Variants in MEF2A observed in about 807,000 individuals in gnomAD.
The protein encoded by MEF2A is myocyte-specific enhancer factor 2A.
In MEF2A, 28 loss-of-function variants were observed where a neutral mutation model predicts 55.8. The ratio of observed to expected loss-of-function variants is 0.50; its 90% confidence interval spans 0.37 to 0.69. The LOEUF is 0.69. Ranked by LOEUF, MEF2A falls within the 30% of genes least tolerant of loss-of-function variation. The pLI is 0.00. For missense variants in MEF2A, 528 were observed against 626.2 expected (o/e 0.84, Z 1.67); for synonymous variants, 239 against 227.1 (o/e 1.05, Z -0.47).
chr15:99,662,916 T>C (rs972052004), intron 4 of MEF2A, among the ~76,000 whole-genome samples: 8 of 152,260 alleles, frequency 5.3e-5, no homozygotes, highest in African/African-American at 1.2e-4. Context: ...TCAAATTTTT[T>C]GTGGGTTTAT....
chr15:99,671,215 C>A, intron 4 of MEF2A, 108 bp from the exon 5 acceptor site: 3 of 1,201,018 alleles, frequency 2.5e-6, no homozygotes, highest in Non-Finnish European at 3.5e-6. Flanking sequence ...GTTTCAGTGG[C>A]TCTTGTATAA....
At chr15:99,647,935 T>C (rs2046241411) in intron 4 of MEF2A, among the ~76,000 whole-genome samples, 1 of 152,168 alleles carries the variant, frequency 6.6e-6, no homozygotes, top group African/African-American at 2.4e-5. Context: ...GTTGTTAAGC[T>C]TGTGAGATAG....
intron 4 of MEF2A, among the ~76,000 whole-genome samples, chr15:99,662,087 A>G (rs1054571738): frequency 4.6e-5 from 7 of 152,200 alleles, no homozygotes; most frequent in Admixed American, 4.6e-4. Flanking sequence ...AGGGATATGT[A>G]TATATGTGGT....
intron 2 of MEF2A, among the ~76,000 whole-genome samples, chr15:99,627,086 G>A (rs75975556): frequency 1.1e-3 from 166 of 152,198 alleles, no homozygotes; most frequent in African/African-American, 3.9e-3. Flanking sequence ...CTGGTCTTCA[G>A]GGGTCAGATT....
At chr15:99,696,585 C>A (rs1025090645) in intron 8 of MEF2A, among the ~76,000 whole-genome samples, 1 of 151,726 alleles carries the variant, frequency 6.6e-6, no homozygotes, top group African/African-American at 2.4e-5. Context: ...AATTTTGAGG[C>A]CCAACTAGAG....
At chr15:99,617,616 T>G (rs567519855) in intron 2 of MEF2A, among the ~76,000 whole-genome samples, 1 of 152,294 alleles carries the variant, frequency 6.6e-6, no homozygotes, top group East Asian at 1.9e-4. Context: ...CAGGAAAGAT[T>G]TTACCATCTC....
At chr15:99,682,815 G>A (rs560238195) in intron 7 of MEF2A, among the ~76,000 whole-genome samples, 10 of 152,204 alleles carry the variant, frequency 6.6e-5, no homozygotes, top group African/African-American at 2.4e-4. Context: ...GATGATGTGT[G>A]GCTCTGAATT....
At chr15:99,676,639 C>T (rs1278803260) in intron 7 of MEF2A, among the ~76,000 whole-genome samples, 1 of 151,314 alleles carries the variant, frequency 6.6e-6, no homozygotes, top group African/African-American at 2.4e-5. Flanking sequence ...GTGGCGCCAT[C>T]TCCGCTCACT....
intron 1 of MEF2A, among the ~76,000 whole-genome samples, chr15:99,586,253 C>T (rs1448186587): frequency 2.0e-5 from 3 of 152,088 alleles, no homozygotes; most frequent in African/African-American, 7.2e-5. Flanking sequence ...AGAAACTGTG[C>T]AACTGTTTTC....
At chr15:99,622,166 T>C (rs577149515) in intron 2 of MEF2A, among the ~76,000 whole-genome samples, 1 of 152,212 alleles carries the variant, frequency 6.6e-6, no homozygotes, top group East Asian at 1.9e-4. Context: ...GGAATGTTTT[T>C]AAAAATCTGG....
At chr15:99,587,040 A>G (rs1320930289) in intron 1 of MEF2A, among the ~76,000 whole-genome samples, 3 of 152,052 alleles carry the variant, frequency 2.0e-5, no homozygotes. Flanking sequence ...AAAATCAGGT[A>G]GTGTAAATCC....
At chr15:99,602,898 G>A (rs918197565) in intron 2 of MEF2A, among the ~76,000 whole-genome samples, 1 of 151,428 alleles carries the variant, frequency 6.6e-6, no homozygotes, top group South Asian at 2.1e-4. Context: ...GGGCTATTTG[G>A]ATTTATGTTA....
intron 1 of MEF2A, among the ~76,000 whole-genome samples, chr15:99,584,802 C>G (rs1596291190): frequency 6.6e-6 from 1 of 152,094 alleles, no homozygotes; most frequent in Admixed American, 6.6e-5. Context: ...CTGAGGGTAT[C>G]AAAACATTCA....
chr15:99,621,339 T>G (rs2041142252), intron 2 of MEF2A, among the ~76,000 whole-genome samples: 1 of 152,224 alleles, frequency 6.6e-6, no homozygotes, highest in African/African-American at 2.4e-5. Context: ...TTGATTGTGT[T>G]GGGATGAACA....
Position 99,690,225 on chromosome 15 carries a change from A to G in MEF2A, c.671-16A>G, listed in dbSNP as rs2055103348. Reference sequence around the variant, plus strand: ...ATAACTCTTCTCACTTTATTGAATGATATTTTTCCCCCCAGGGAATGGATT... The same window carrying G: ...ATAACTCTTCTCACTTTATTGAATGGTATTTTTCCCCCCAGGGAATGGATT... On this transcript the variant is annotated splice_polypyrimidine_tract_variant and intron_variant, in intron 7 of 11. Coordinates refer to ENST00000557942, the MANE Select transcript of MEF2A (RefSeq NM_001319206.4). The G allele has an allele frequency of 6.2e-7, 1 of 1,610,192 alleles. No homozygotes were observed. Among genetic ancestry groups the G allele is most frequent in the Non-Finnish European group, 8.5e-7 (1 of 1,177,830 alleles).
intron 4 of MEF2A, among the ~76,000 whole-genome samples, chr15:99,654,216 T>C (rs2047307613): frequency 1.3e-5 from 2 of 152,134 alleles, no homozygotes; most frequent in South Asian, 4.1e-4. Context: ...TTATTTGATA[T>C]TAGACTCTCA....
intron 2 of MEF2A, among the ~76,000 whole-genome samples, chr15:99,630,274 T>C (rs1416946510): frequency 6.6e-6 from 1 of 152,160 alleles, no homozygotes; most frequent in East Asian, 1.9e-4. Context: ...TCTCATTCTT[T>C]TCTATATTTC....
chr15:99,697,500 A>G (rs184256749), intron 8 of MEF2A, among the ~76,000 whole-genome samples: 209 of 152,268 alleles, frequency 1.4e-3, no homozygotes, highest in Middle Eastern at 3.4e-3. Flanking sequence ...AGGAAGGAAA[A>G]GAAACATCTA....
intron 7 of MEF2A, among the ~76,000 whole-genome samples, chr15:99,686,526 A>C (rs189920423): frequency 5.9e-5 from 9 of 152,268 alleles, no homozygotes; most frequent in African/African-American, 2.2e-4. Context: ...ATTTTGTTTG[A>C]GGAAGCTAAA....
Sources: allele counts gnomAD v4.1 joint callset (sites outside exome capture counted in the v4.1 genomes callset), GRCh38; gene constraint gnomAD v4.1.1; transcripts MANE v1.5; gene names NCBI Gene and HGNC (gene_info 2026-07-23, HGNC 2026-07-21).